The following PHAX variants were observed in gnomAD, a reference collection of about 807,000 sequenced individuals.
PHAX encodes phosphorylated adaptor for RNA export.
PHAX carries 31 observed loss-of-function variants against 41.6 expected under a neutral mutation model. The observed-to-expected ratio is 0.75, with a 90% CI of 0.56 to 1.01. The LOEUF is 1.01. Ranked by LOEUF, PHAX falls within the 50% of genes least tolerant of loss-of-function variation. The pLI is 0.00. For synonymous variants in PHAX, 175 were observed against 164.9 expected, an observed-to-expected ratio of 1.06 and a Z score of -0.47; for missense variants, 453 against 472.9, an observed-to-expected ratio of 0.96 and a Z score of 0.39.
At chr5:126,621,720 T>G (rs1752275263) in intron 4 of PHAX, among the ~76,000 whole-genome samples, 1 of 152,108 alleles carries the variant, frequency 6.6e-6, no homozygotes. Flanking sequence ...AGTTAAAACT[T>G]TATTTGCTTT....
At position 126,617,272 on chromosome 5, in the gene PHAX, C is replaced by T; in HGVS notation, c.854C>T (p.Pro285Leu). 1 of 1,610,958 alleles carries T rather than the reference C, an allele frequency of 6.2e-7. No individual in the cohort carries two copies. The highest frequency in any genetic ancestry group is 8.5e-7 in the Non-Finnish European group (1 of 1,177,708). ...TAGAATGGTAGTCGAAGAAGAACAC[C>T]AGGTGGAGTTTTTCTGAATCTCTTG... The part of the protein sequence containing the change: ...FIMNGSRRRT[P>L]GGVFLNLLKN... Residue 285 changes from proline (P) to leucine (L), a missense_variant, in exon 4 of 5, where the codon CCA (proline) becomes CTA (leucine). Coordinates refer to ENST00000297540, the MANE Select transcript of PHAX (RefSeq NM_032177.4).
intron 3 of PHAX, among the ~76,000 whole-genome samples, chr5:126,612,410 A>C (rs1163395101): frequency 6.6e-6 from 1 of 152,100 alleles, no homozygotes; most frequent in East Asian, 1.9e-4. Context: ...TAAGAAATGC[A>C]TTTCCTAGGC....
Position 126,603,771 on chromosome 5 carries a change from G to A in PHAX, c.298G>A (p.Gly100Ser), listed in dbSNP as rs1442658951. 1 of 1,614,096 alleles carries A rather than the reference G, an allele frequency of 6.2e-7. No homozygotes were observed. Among genetic ancestry groups the A allele is most frequent in the Non-Finnish European group, 8.5e-7 (1 of 1,180,020 alleles). The change falls in exon 2 of 5, where the codon GGC (glycine) becomes AGC (serine). Residue 100 changes from glycine to serine, a missense_variant. Coordinates refer to ENST00000297540, the MANE Select transcript of PHAX (RefSeq NM_032177.4). The part of the protein sequence containing the change: ...PPPKPEPFQF[G>S]QSSQKPPVAG... The stretch of plus-strand genomic sequence containing the variant: ...TCCCAAACCAGAGCCTTTTCAGTTT[G>A]GCCAGAGCAGTCAGAAACCACCTGT...
rs199766011 is a variant in PHAX at position 126,603,701 on chromosome 5, T to C, written c.228T>C (p.Asp76=). ...AAAGTTTTTCTGATTCAGATGATGA[T>C]AGCTGTCTTTGGAAACGCAAACGAC... ...SEESFSDSDD[D]SCLWKRKRQK... The change falls in exon 2 of 5, where the codon GAT becomes GAC. Residue 76 remains aspartate (D), a synonymous_variant. Coordinates refer to ENST00000297540, the MANE Select transcript of PHAX (RefSeq NM_032177.4). The C allele has an allele frequency of 1.2e-6, 2 of 1,614,200 alleles. No individual in the cohort carries two copies. The highest frequency in any genetic ancestry group is 1.7e-6 in the Non-Finnish European group (2 of 1,180,038).
rs992956247 is a variant in PHAX at position 126,625,540 on chromosome 5, T to C, written c.*696T>C. ...TGAACCCGGGAGGCAAAGGTTGCAG[T>C]GAGCTGAGATCGTACCACTGTACTC... On this transcript the variant is annotated 3_prime_UTR_variant, in exon 5 of 5. Coordinates refer to ENST00000297540, the MANE Select transcript of PHAX (RefSeq NM_032177.4). The C allele has an allele frequency of 6.7e-6, 1 of 149,168 alleles. No homozygotes were observed. Among genetic ancestry groups the C allele is most frequent in the African/African-American group, 2.5e-5 (1 of 40,172 alleles). 9.2% of individuals were successfully genotyped at this position (149,168 alleles called of 1,614,324 possible).
chr5:126,621,805 T>C (rs1752276218), intron 4 of PHAX, among the ~76,000 whole-genome samples: 1 of 152,028 alleles, frequency 6.6e-6, no homozygotes, highest in Non-Finnish European at 1.5e-5. Flanking sequence ...TATATATAGA[T>C]ATGGATGGGA....
At chr5:126,616,634 C>T (rs1273410497) in intron 3 of PHAX, among the ~76,000 whole-genome samples, 2 of 151,886 alleles carry the variant, frequency 1.3e-5, no homozygotes, top group African/African-American at 4.8e-5. Context: ...AATCCTAGCA[C>T]TTTGTGAGGC....
intron 3 of PHAX, among the ~76,000 whole-genome samples, chr5:126,610,341 T>C (rs191819345): frequency 1.3e-5 from 2 of 152,334 alleles, no homozygotes; most frequent in Admixed American, 1.3e-4. Flanking sequence ...ATGACTTCCT[T>C]GTTTTTTGTT....
In PHAX at chr5:126,618,952, G is replaced by A. The variant is rs543420010; in HGVS notation, c.915+1619G>A. Among the ~76,000 whole-genome samples the A allele has an allele frequency of 8.5e-5, 13 of 152,098 alleles. 1 individual carries two copies. Among genetic ancestry groups the A allele is most frequent in the Admixed American group, 5.2e-4 (8 of 15,266 alleles). On this transcript the variant is annotated intron_variant, in intron 4 of 4. Coordinates refer to ENST00000297540, the MANE Select transcript of PHAX (RefSeq NM_032177.4). The stretch of plus-strand genomic sequence containing the variant: ...GATTCAGGCATGAGCCACCACGCCC[G>A]GCCGGAGACAAAGTCTTACTCTGTT...
At chr5:126,608,244 TGAA>T (rs1457795298) in intron 2 of PHAX, 117 bp from the exon 3 acceptor site, 19 of 1,121,834 alleles carry the variant, frequency 1.7e-5, no homozygotes, top group Middle Eastern at 2.8e-4. Context: ...GATTAAATAT[TGAA>T]GATTTAGAAA....
chr5:126,612,299 C>T (rs948555593), intron 3 of PHAX, among the ~76,000 whole-genome samples: 1 of 152,138 alleles, frequency 6.6e-6, no homozygotes, highest in Non-Finnish European at 1.5e-5. Context: ...GATATAAGGT[C>T]AGAGAGATAA....
intron 3 of PHAX, among the ~76,000 whole-genome samples, chr5:126,616,898 A>G (rs948448893): frequency 6.7e-6 from 1 of 148,626 alleles, no homozygotes; most frequent in Non-Finnish European, 1.5e-5. Flanking sequence ...AAAAAAAAAA[A>G]GAATATTCAC....
intron 3 of PHAX, among the ~76,000 whole-genome samples, chr5:126,612,396 C>A (rs1401531770): frequency 1.3e-5 from 2 of 151,996 alleles, no homozygotes; most frequent in African/African-American, 4.8e-5. Flanking sequence ...GGGTTTTGAA[C>A]AGATAAGAAA....
At chr5:126,614,650 A>G (rs534039965) in intron 3 of PHAX, among the ~76,000 whole-genome samples, 8 of 151,934 alleles carry the variant, frequency 5.3e-5, no homozygotes, top group Non-Finnish European at 1.2e-4. Flanking sequence ...AGATGACAAA[A>G]TTTTTTTGTC....
chr5:126,605,427 C>A (rs535424196), intron 2 of PHAX, among the ~76,000 whole-genome samples: 1 of 152,262 alleles, frequency 6.6e-6, no homozygotes, highest in South Asian at 2.1e-4. Context: ...CAGTCTTGCT[C>A]TGTCACCCAG....
chr5:126,613,081 C>A (rs1213240105), intron 3 of PHAX, among the ~76,000 whole-genome samples: 1 of 152,026 alleles, frequency 6.6e-6, no homozygotes, highest in African/African-American at 2.4e-5. Flanking sequence ...AGGCGCAGTG[C>A]CTCATGCCTG....
In PHAX at chr5:126,604,107, GA is replaced by G; in HGVS notation, c.637del (p.Met213Ter). The stretch of plus-strand genomic sequence containing the variant: ...CAAAGACAGGCTAGGGAACAGACCA[GA>G]AATGAACTATAAAGGTCGATACGAG... ...PVKDRLGNRP[E>X]MNYKGRYEIT... On this transcript the variant is annotated frameshift_variant, in exon 2 of 5. Coordinates refer to ENST00000297540, the MANE Select transcript of PHAX (RefSeq NM_032177.4). LOFTEE classifies it high-confidence loss of function. 1 of 1,607,812 alleles carries G rather than the reference GA, an allele frequency of 6.2e-7. No individual in the cohort carries two copies.
At chr5:126,608,338 G>A (rs942863851) in intron 2 of PHAX, 26 bp from the exon 3 acceptor site, 13 of 1,606,320 alleles carry the variant, frequency 8.1e-6, no homozygotes, top group Admixed American at 1.7e-5. Context: ...CAAACAAAGA[G>A]GATAATTTTA....
intron 2 of PHAX, among the ~76,000 whole-genome samples, chr5:126,607,916 TG>T (rs1390562648): frequency 6.6e-6 from 1 of 152,214 alleles, no homozygotes; most frequent in Non-Finnish European, 1.5e-5. Flanking sequence ...TTCTATTTTT[TG>T]TTCTGAGGCA....
Sources: gnomAD v4.1 joint callset for allele counts (sites outside exome capture counted in the v4.1 genomes callset) on GRCh38, gnomAD v4.1.1 for gene constraint, MANE v1.5 for transcripts, NCBI Gene and HGNC (gene_info 2026-07-23, HGNC 2026-07-21) for gene names.